The following CLDN10 variants were observed in gnomAD, a reference collection of about 807,000 sequenced individuals.
The protein encoded by CLDN10 is claudin-10.
CLDN10 carries 15 observed loss-of-function variants against 22.9 expected under a neutral mutation model. That is an observed-to-expected ratio of 0.65 (90% CI 0.44 to 1.01). The LOEUF (loss-of-function observed/expected upper bound fraction) is 1.01, where lower values mean the gene tolerates loss of function less well. Ranked by LOEUF, CLDN10 falls within the 50% of genes least tolerant of loss-of-function variation. The pLI is 0.00. For missense variants in CLDN10, 247 were observed against 287.8 expected, an observed-to-expected ratio of 0.86 and a Z score of 1.03; for synonymous variants, 114 against 111.4, an observed-to-expected ratio of 1.02 and a Z score of -0.15.
At chr13:95,521,606 T>A (rs1372368440) in intron 1 of CLDN10, among the ~76,000 whole-genome samples, 2 of 152,300 alleles carry the variant, frequency 1.3e-5, no homozygotes, top group African/African-American at 2.4e-5. Context: ...TAATTTTGCA[T>A]CTATATTCAT....
chr13:95,560,056 T>C, intron 1 of CLDN10, 76 bp from the exon 2 acceptor site: 1 of 1,349,520 alleles, frequency 7.4e-7, no homozygotes, highest in Non-Finnish European at 1.0e-6. Context: ...ACATCCAGAA[T>C]GACAACGTAA....
At chr13:95,574,494 G>A (rs185538440) in intron 3 of CLDN10, among the ~76,000 whole-genome samples, 25 of 152,324 alleles carry the variant, frequency 1.6e-4, no homozygotes, top group Admixed American at 1.4e-3. Context: ...AAAGGGCCAC[G>A]TGTGGTGGTT....
intron 1 of CLDN10, among the ~76,000 whole-genome samples, chr13:95,535,005 G>A (rs1167339113): frequency 6.6e-6 from 1 of 151,998 alleles, no homozygotes; most frequent in African/African-American, 2.4e-5. Context: ...GTCTATTGGG[G>A]GAGGAAAGAG....
chr13:95,565,402 T>G (rs1474137767), intron 3 of CLDN10, among the ~76,000 whole-genome samples: 1 of 152,222 alleles, frequency 6.6e-6, no homozygotes, highest in Non-Finnish European at 1.5e-5. Context: ...TGTCTTAGAC[T>G]TATTCTTTTT....
At chr13:95,535,698 G>A (rs1280918711) in intron 1 of CLDN10, among the ~76,000 whole-genome samples, 3 of 151,952 alleles carry the variant, frequency 2.0e-5, no homozygotes, top group South Asian at 2.1e-4. Flanking sequence ...CTGGGTCAGG[G>A]AATCCCATTA....
chr13:95,478,456 G>C (rs1367868258), intron 1 of CLDN10, among the ~76,000 whole-genome samples: 1 of 152,226 alleles, frequency 6.6e-6, no homozygotes, highest in East Asian at 1.9e-4. Flanking sequence ...CCATGTTAGA[G>C]AACCACTGGC....
intron 1 of CLDN10, among the ~76,000 whole-genome samples, chr13:95,540,364 C>A (rs747609186): frequency 1.3e-5 from 2 of 150,640 alleles, no homozygotes. Flanking sequence ...TGGTGGCATG[C>A]GCCTGTAATC....
intron 1 of CLDN10, among the ~76,000 whole-genome samples, chr13:95,498,481 A>G (rs1207244328): frequency 6.6e-6 from 1 of 152,044 alleles, no homozygotes; most frequent in Non-Finnish European, 1.5e-5. Flanking sequence ...TGCAGCCTCA[A>G]CCTCCTGGGC....
intron 1 of CLDN10, among the ~76,000 whole-genome samples, chr13:95,507,086 T>C (rs2043046018): frequency 6.6e-6 from 1 of 152,250 alleles, no homozygotes; most frequent in East Asian, 1.9e-4. Context: ...TTCATGGAAA[T>C]TAAGAATAAA....
intron 1 of CLDN10, among the ~76,000 whole-genome samples, chr13:95,490,484 C>A (rs1329329454): frequency 1.3e-5 from 2 of 152,108 alleles, no homozygotes; most frequent in Admixed American, 6.5e-5. Flanking sequence ...TCATTCAGTT[C>A]AAAGAATTTT....
At chr13:95,459,291 C>T (rs888447191) in intron 1 of CLDN10, among the ~76,000 whole-genome samples, 2 of 152,234 alleles carry the variant, frequency 1.3e-5, no homozygotes, top group Non-Finnish European at 2.9e-5. Context: ...CACAGCTCCA[C>T]TAGGCTATGC....
chr13:95,563,871 G>A (rs904787003), intron 3 of CLDN10, among the ~76,000 whole-genome samples: 3 of 152,190 alleles, frequency 2.0e-5, no homozygotes, highest in African/African-American at 7.2e-5. Flanking sequence ...ATAAAAACTG[G>A]GAAGATGAAT....
chr13:95,535,068 G>A (rs1309760788), intron 1 of CLDN10, among the ~76,000 whole-genome samples: 1 of 152,104 alleles, frequency 6.6e-6, no homozygotes, highest in Non-Finnish European at 1.5e-5. Flanking sequence ...AGCAAAAAAG[G>A]CATCCTGGGT....
Position 95,553,058 on chromosome 13 carries a change from G to A in CLDN10, c.220+85G>A. The A allele has an allele frequency of 2.6e-6, 4 of 1,535,986 alleles. No homozygotes were observed. In the South Asian group the frequency reaches 4.9e-5, roughly 19 times the overall value. On this transcript the variant is annotated intron_variant, in intron 1 of 4. Transcript: ENST00000299339. ...CGCCCTCTCGCCCCCAATACCCCCAGCGGGACCCCTAGACTGGACTCCTCT... is the reference window on the plus strand; with the variant it reads ...CGCCCTCTCGCCCCCAATACCCCCAACGGGACCCCTAGACTGGACTCCTCT...
At chr13:95,439,049 G>A (rs1380936803) in intron 1 of CLDN10, among the ~76,000 whole-genome samples, 4 of 151,628 alleles carry the variant, frequency 2.6e-5, no homozygotes, top group Non-Finnish European at 5.9e-5. Context: ...TTTCTGTGGG[G>A]GTTTATTCAC....
intron 1 of CLDN10, among the ~76,000 whole-genome samples, chr13:95,519,114 T>A (rs1328636480): frequency 6.6e-6 from 1 of 152,204 alleles, no homozygotes; most frequent in African/African-American, 2.4e-5. Context: ...CATCAGGTAT[T>A]TAGTGTAGTG....
At chr13:95,551,287 A>G (rs1304944983), upstream of CLDN10, among the ~76,000 whole-genome samples, 1 of 152,234 alleles carries the variant, frequency 6.6e-6, no homozygotes, top group Non-Finnish European at 1.5e-5. Context: ...GGGCTGTCAA[A>G]ACAACATGAA....
chr13:95,516,204 A>C (rs2043166151), intron 1 of CLDN10, among the ~76,000 whole-genome samples: 1 of 152,228 alleles, frequency 6.6e-6, no homozygotes, highest in Non-Finnish European at 1.5e-5. Context: ...CTCCAGCTTC[A>C]TAGTAATAGA....
intron 1 of CLDN10, among the ~76,000 whole-genome samples, chr13:95,437,438 G>A (rs1356146022): frequency 1.3e-5 from 2 of 152,162 alleles, no homozygotes; most frequent in South Asian, 2.1e-4. Context: ...TAATAGGAAT[G>A]CTTTCACTAT....
Sources: allele counts gnomAD v4.1 joint callset (sites outside exome capture counted in the v4.1 genomes callset), GRCh38; gene constraint gnomAD v4.1.1; transcripts MANE v1.5; gene names NCBI Gene and HGNC (gene_info 2026-07-23, HGNC 2026-07-21).